Variants in GPC6 observed in about 807,000 individuals in gnomAD.
GPC6 encodes glypican-6.
GPC6 carries 14 observed loss-of-function variants against 55.2 expected under a neutral mutation model. That is an observed-to-expected ratio of 0.25 (90% CI 0.17 to 0.40). The LOEUF (loss-of-function observed/expected upper bound fraction) is 0.40, where lower values mean the gene tolerates loss of function less well. Among genes scored for constraint, GPC6 ranks in the 10% least tolerant of loss-of-function variants. The pLI, the probability that GPC6 is intolerant of heterozygous loss-of-function variation, is 1.00. For missense variants in GPC6, 641 were observed against 708.5 expected, an observed-to-expected ratio of 0.90 and a Z score of 1.08; for synonymous variants, 278 against 259.6, an observed-to-expected ratio of 1.07 and a Z score of -0.68.
chr13:94,253,343 A>G (rs1891414533), intron 4 of GPC6, among the ~76,000 whole-genome samples: 2 of 152,130 alleles, frequency 1.3e-5, no homozygotes, highest in South Asian at 2.1e-4. Context: ...CCCCTTCTCC[A>G]GTTGATTCTC....
intron 4 of GPC6, among the ~76,000 whole-genome samples, chr13:94,201,493 C>A (rs1461664618): frequency 2.6e-5 from 4 of 152,112 alleles, no homozygotes; most frequent in African/African-American, 9.7e-5. Flanking sequence ...TATCTTAACA[C>A]CTTTGGGGAA....
intron 4 of GPC6, among the ~76,000 whole-genome samples, chr13:94,139,369 A>G (rs747407964): frequency 6.6e-6 from 1 of 152,334 alleles, no homozygotes; most frequent in Non-Finnish European, 1.5e-5. Flanking sequence ...TACAGGCATA[A>G]CTATAGTATT....
intron 4 of GPC6, among the ~76,000 whole-genome samples, chr13:94,060,834 G>A (rs1175399758): frequency 6.6e-6 from 1 of 152,032 alleles, no homozygotes; most frequent in Non-Finnish European, 1.5e-5. Flanking sequence ...TTTTTAATTT[G>A]CCAAACCGTC....
intron 1 of GPC6, among the ~76,000 whole-genome samples, chr13:93,485,004 T>TTA (rs1428948342): frequency 5.9e-5 from 9 of 152,310 alleles, no homozygotes; most frequent in Non-Finnish European, 1.3e-4. Context: ...AGTCAGGAAT[T>TTA]ATTAAACAGC....
intron 4 of GPC6, among the ~76,000 whole-genome samples, chr13:94,188,878 C>G (rs1010775066): frequency 2.0e-5 from 3 of 152,174 alleles, no homozygotes; most frequent in Non-Finnish European, 4.4e-5. Context: ...GGTCAGTCGT[C>G]AAAGGAGTCT....
At chr13:94,257,672 C>A (rs1891544828) in intron 4 of GPC6, among the ~76,000 whole-genome samples, 1 of 152,172 alleles carries the variant, frequency 6.6e-6, no homozygotes, top group Non-Finnish European at 1.5e-5. Flanking sequence ...GTGACTTGAC[C>A]AGTGCAGGGT....
intron 2 of GPC6, among the ~76,000 whole-genome samples, chr13:93,754,738 C>T (rs4773760): frequency 0.2 from 30,843 of 151,378 alleles, 3,606 homozygotes; most frequent in Middle Eastern, 0.32. Context: ...AACTACTGTT[C>T]TCATAAACAG....
In GPC6 at chr13:93,261,925, TACACACACACACACACACACACAC is replaced by T. The variant is rs34841808; in HGVS notation, c.160+34328_160+34351del. Among the ~76,000 whole-genome samples, 3 of 144,614 alleles carry T rather than the reference TACACACACACACACACACACACAC, an allele frequency of 2.1e-5. No homozygotes were observed. In the South Asian group the frequency reaches 6.8e-4, roughly 33 times the overall value. The allele number at this position is 144,614 out of a possible 152,430, so 94.9% of individuals were successfully genotyped here. A position where few individuals can be genotyped will look rare whatever the true frequency, so the allele number is the denominator to read the frequency against. On this transcript the variant is annotated intron_variant, in intron 1 of 8. Coordinates refer to ENST00000377047, the MANE Select transcript of GPC6 (RefSeq NM_005708.5). ...CACATTTATCTCCTATCTCTCCCTC[TACACACACACACACACACACACAC>T]ACACACACACACACACACTTGCATA...
intron 1 of GPC6, among the ~76,000 whole-genome samples, chr13:93,388,620 T>A (rs1875494724): frequency 6.6e-6 from 1 of 152,190 alleles, no homozygotes; most frequent in South Asian, 2.1e-4. Flanking sequence ...GGCCTTACAC[T>A]CAAATGATGC....
chr13:93,703,866 AC>A (rs1882757266), intron 2 of GPC6, among the ~76,000 whole-genome samples: 1 of 151,900 alleles, frequency 6.6e-6, no homozygotes, highest in East Asian at 1.9e-4. Flanking sequence ...TGTTGTTATA[AC>A]CGTGATTACA....
intron 2 of GPC6, among the ~76,000 whole-genome samples, chr13:93,609,306 C>T (rs1357427402): frequency 2.0e-5 from 3 of 152,192 alleles, no homozygotes; most frequent in African/African-American, 7.2e-5. Flanking sequence ...CCTCCGCCTC[C>T]CAGGCTAAAG....
intron 4 of GPC6, among the ~76,000 whole-genome samples, chr13:94,247,060 C>T (rs918377751): frequency 2.0e-5 from 3 of 152,066 alleles, no homozygotes; most frequent in Non-Finnish European, 2.9e-5. Flanking sequence ...GTTTAATGTA[C>T]AGGTCTTTTA....
chr13:94,098,348 CT>C (rs138200292), intron 4 of GPC6, among the ~76,000 whole-genome samples: 2,617 of 152,264 alleles, frequency 0.017, 82 homozygotes, highest in African/African-American at 0.059. Context: ...AATACTGTTA[CT>C]TTCCTTAGCC....
chr13:93,375,423 G>A (rs192061289), intron 1 of GPC6, among the ~76,000 whole-genome samples: 1 of 152,270 alleles, frequency 6.6e-6, no homozygotes, highest in East Asian at 1.9e-4. Context: ...ATCAGACGGC[G>A]TGGAGTGGCT....
At chr13:93,677,635 A>C (rs1274790004) in intron 2 of GPC6, among the ~76,000 whole-genome samples, 1 of 152,156 alleles carries the variant, frequency 6.6e-6, no homozygotes, top group Non-Finnish European at 1.5e-5. Flanking sequence ...GCAGTGGATA[A>C]AGAAGGCCAG....
At chr13:93,508,538 G>C (rs1017759812) in intron 1 of GPC6, among the ~76,000 whole-genome samples, 1 of 152,182 alleles carries the variant, frequency 6.6e-6, no homozygotes, top group African/African-American at 2.4e-5. Flanking sequence ...GAGAGAGCTA[G>C]AATAACTTTG....
At chr13:94,252,764 C>T (rs1191689992) in intron 4 of GPC6, among the ~76,000 whole-genome samples, 2 of 151,828 alleles carry the variant, frequency 1.3e-5, no homozygotes, top group African/African-American at 2.4e-5. Flanking sequence ...GGCTGTAAGT[C>T]CAAAAGCCAT....
intron 1 of GPC6, among the ~76,000 whole-genome samples, chr13:93,484,218 T>C (rs1299121798): frequency 6.6e-6 from 1 of 152,192 alleles, no homozygotes; most frequent in Non-Finnish European, 1.5e-5. Context: ...CTTTACATTA[T>C]CATCCTTGTT....
intron 4 of GPC6, among the ~76,000 whole-genome samples, chr13:94,261,976 T>C (rs553582270): frequency 1.3e-5 from 2 of 152,316 alleles, no homozygotes; most frequent in African/African-American, 4.8e-5. Flanking sequence ...TTGCACATGT[T>C]CAAATGCCTA....
Sources: allele counts gnomAD v4.1 joint callset (sites outside exome capture counted in the v4.1 genomes callset), GRCh38; gene constraint gnomAD v4.1.1; transcripts MANE v1.5; gene names NCBI Gene and HGNC (gene_info 2026-07-23, HGNC 2026-07-21).